Variants in PKD1L1 observed in about 807,000 individuals in gnomAD.
PKD1L1 encodes the protein polycystin 1 like 1, transient receptor potential channel interacting, also known as polycystin-1-like protein 1.
PKD1L1 carries 236 observed loss-of-function variants against 323.4 expected under a neutral mutation model. The observed-to-expected ratio is 0.73, with a 90% confidence interval of 0.66 to 0.81. The LOEUF is 0.81. PKD1L1 is among the 40% of genes least tolerant of loss of function. The probability of loss-of-function intolerance (pLI) is 0.00; values close to 1 mark genes in which losing one functional copy is unlikely to be tolerated. For synonymous variants in PKD1L1, 1,344 were observed against 1,335.0 expected (o/e 1.01, Z -0.15); for missense variants, 3,320 against 3,508.0 (o/e 0.95, Z 1.35).
At chr7:47,812,981 G>C in intron 49 of PKD1L1, 140 bp downstream of exon 49, 1 of 964,008 alleles carries the variant, frequency 1.0e-6, no homozygotes, top group Non-Finnish European at 1.5e-6. Context: ...AGTCTGGCTG[G>C]AGCCCCTGGC....
At position 47,813,868 on chromosome 7, in the gene PKD1L1, A is replaced by G. The variant is rs112886218; in HGVS notation, c.7173+63T>C. 435 of 1,399,272 alleles carry G rather than the reference A, an allele frequency of 3.1e-4. 1 individual carries two copies. Among genetic ancestry groups the G allele is most frequent in the African/African-American group, 2.6e-3 (181 of 70,668 alleles). 86.7% of individuals were successfully genotyped at this position (1,399,272 alleles called of 1,614,324 possible). On this transcript the variant is annotated intron_variant, in intron 48 of 56. Coordinates refer to ENST00000289672, the MANE Select transcript of PKD1L1 (RefSeq NM_138295.5). The stretch of plus-strand genomic sequence containing the variant: ...AATGATCTGCCAGGGTCCTGCCCCA[A>G]TGTTGCCTAGACTTCTCTAATTCCA...
At chr7:47,822,544 G>A (rs1028031062) in intron 45 of PKD1L1, among the ~76,000 whole-genome samples, 50 of 129,016 alleles carry the variant, frequency 3.9e-4, no homozygotes, top group African/African-American at 1.3e-3. Context: ...GCAGTGAGCC[G>A]AGATCGCGCC....
Position 47,854,946 on chromosome 7 carries a change from G to C in PKD1L1, c.4795C>G (p.Leu1599Val), listed in dbSNP as rs1245542767. ...TTGGAAAATTCAATTTCTATCTGTA[G>C]AGATTCCTGGGGGTTTTCGGAAAGC... is the stretch of plus-strand genomic sequence containing the variant. Reference protein sequence around the residue: ...TELSENPQESLQIEIEFSKPV... With the variant: ...TELSENPQESVQIEIEFSKPV... The change falls in exon 30 of 57, where the codon CTA becomes GTA. Residue 1599 changes from leucine (L) to valine (V), a missense_variant. Physicochemically the swap from Leu to Val is conservative, Grantham distance 32. Coordinates refer to ENST00000289672, the MANE Select transcript of PKD1L1 (RefSeq NM_138295.5). 1.2e-6 allele frequency: 2 copies of C among 1,614,102 alleles called. No homozygotes were observed. Among genetic ancestry groups the C allele is most frequent in the Admixed American group, 3.3e-5 (2 of 60,018 alleles).
chr7:47,811,470 T>C (rs1424528630), intron 50 of PKD1L1, among the ~76,000 whole-genome samples: 1 of 152,144 alleles, frequency 6.6e-6, no homozygotes, highest in Non-Finnish European at 1.5e-5. Context: ...TGTCTCTTTT[T>C]AAAGCACCCA....
At chr7:47,837,360 T>C (rs1785481362) in intron 36 of PKD1L1, among the ~76,000 whole-genome samples, 1 of 152,180 alleles carries the variant, frequency 6.6e-6, no homozygotes, top group Admixed American at 6.5e-5. Context: ...CTAAGCCTCT[T>C]GAAGCTGCTC....
chr7:47,911,833 G>A (rs7802908), intron 8 of PKD1L1, among the ~76,000 whole-genome samples: 107,978 of 151,448 alleles, frequency 0.71, 39,481 homozygotes, highest in African/African-American at 0.89. Context: ...TCATCAACAC[G>A]CATACATGTG....
intron 55 of PKD1L1, among the ~76,000 whole-genome samples, chr7:47,793,326 T>C (rs1786996882): frequency 6.6e-6 from 1 of 152,154 alleles, no homozygotes; most frequent in Non-Finnish European, 1.5e-5. Flanking sequence ...ACTTGAATTG[T>C]ATCTCCCAGA....
At chr7:47,937,734 G>C (rs920754069) in intron 3 of PKD1L1, among the ~76,000 whole-genome samples, 1 of 152,132 alleles carries the variant, frequency 6.6e-6, no homozygotes, top group African/African-American at 2.4e-5. Context: ...GAAGTGAGAT[G>C]GAGCCCAAGA....
Position 47,882,006 on chromosome 7 carries a change from GTCCACCAGGTTA to G in PKD1L1, c.3333_3344del (p.Asn1112_Asp1115del). The G allele has an allele frequency of 6.2e-7, 1 of 1,614,040 alleles. No individual in the cohort carries two copies. The highest frequency in any genetic ancestry group is 8.5e-7 in the Non-Finnish European group (1 of 1,180,000). On this transcript the variant is annotated inframe_deletion, in exon 20 of 57. Transcript: ENST00000289672. The stretch of plus-strand genomic sequence containing the variant: ...CGGCTCTGCCTGCAGACAGGGAGGG[GTCCACCAGGTTA>G]TCCCCATCTCCAGGGCTCTCCTCGG...
the PKD1L1 span, among the ~76,000 whole-genome samples, chr7:47,960,704 AAAC>A: frequency 1.3e-5 from 2 of 151,788 alleles, no homozygotes; most frequent in Non-Finnish European, 2.9e-5. Flanking sequence ...AAAAAAAAAA[AAAC>A]ATGGTCAAAA....
chr7:47,853,183 A>T lies in PKD1L1; in HGVS notation c.4904T>A (p.Ile1635Asn). 1.2e-6 allele frequency: 2 copies of T among 1,613,828 alleles called. No individual in the cohort carries two copies. The highest frequency in any genetic ancestry group is 1.7e-6 in the Non-Finnish European group (2 of 1,179,738). ...PTPSDFLVKQ[I>N]YFWDESIVQI... is the part of the protein sequence containing the mutation. Reference sequence around the variant, plus strand: ...CACAATTGACTCATCCCAGAAGTAGATCTGCTTCACAAGAAAATCAGAGGG... The same window carrying T: ...CACAATTGACTCATCCCAGAAGTAGTTCTGCTTCACAAGAAAATCAGAGGG... Residue 1635 changes from isoleucine (I) to asparagine (N), a missense_variant, in exon 31 of 57, where the codon ATC becomes AAC. Physicochemically the swap from Ile to Asn is moderately radical, Grantham distance 149. Transcript: ENST00000289672.
chr7:47,956,522 A>G, the PKD1L1 span, among the ~76,000 whole-genome samples: 1 of 152,216 alleles, frequency 6.6e-6, no homozygotes, highest in Admixed American at 6.5e-5. Flanking sequence ...GGGCTTAAAG[A>G]CCAAAAAAGA....
chr7:47,789,804 T>A (rs1786897452), intron 56 of PKD1L1, among the ~76,000 whole-genome samples: 1 of 152,248 alleles, frequency 6.6e-6, no homozygotes, highest in Admixed American at 6.5e-5. Flanking sequence ...TCTAAAATTT[T>A]CAATTAAATT....
At chr7:47,831,177 T>C (rs762543248) in intron 42 of PKD1L1, 40 bp downstream of exon 42, 26 of 1,586,312 alleles carry the variant, frequency 1.6e-5, no homozygotes, top group East Asian at 2.2e-5. Context: ...AGACTTTCCA[T>C]CTGAGGACCT....
At position 47,837,161 on chromosome 7, in the gene PKD1L1, T is replaced by C. The variant is rs1583609140; in HGVS notation, c.5770-67A>G. 3 of 1,547,230 alleles carry C rather than the reference T, an allele frequency of 1.9e-6. No individual in the cohort carries two copies. The Admixed American group carries it at 5.2e-5, about 27-fold the overall frequency. On this transcript the variant is annotated intron_variant, in intron 36 of 56. Transcript: ENST00000289672. ...TTTCTGTCAGCAAAGCAAAGTACTGTTAAGCAGTGATCTTCTGAGCAGAGA... is the reference window on the plus strand; with the variant it reads ...TTTCTGTCAGCAAAGCAAAGTACTGCTAAGCAGTGATCTTCTGAGCAGAGA...
chr7:47,777,043 C>A (rs1786583901), intron 56 of PKD1L1, among the ~76,000 whole-genome samples: 1 of 152,140 alleles, frequency 6.6e-6, no homozygotes, highest in Non-Finnish European at 1.5e-5. Context: ...AAGCATGCGC[C>A]ACCACATTCA....
chr7:47,930,537 G>T (rs1005935902), intron 6 of PKD1L1, among the ~76,000 whole-genome samples: 48 of 99,444 alleles, frequency 4.8e-4, no homozygotes, highest in African/African-American at 2.1e-3. Flanking sequence ...CACACAGTCG[G>T]CCGGGTGCAG....
intron 32 of PKD1L1, 31 bp downstream of exon 32, chr7:47,846,848 A>C: frequency 6.4e-7 from 1 of 1,572,590 alleles, no homozygotes; most frequent in Non-Finnish European, 8.6e-7. Flanking sequence ...TTTACTAAAA[A>C]TCTCAGATTC....
At chr7:47,853,435 T>C (rs972289249) in intron 30 of PKD1L1, among the ~76,000 whole-genome samples, 8 of 152,188 alleles carry the variant, frequency 5.3e-5, no homozygotes, top group South Asian at 4.2e-4. Flanking sequence ...ACTTTCACCC[T>C]GCATCTCATT....
Sources: allele counts gnomAD v4.1 joint callset (sites outside exome capture counted in the v4.1 genomes callset), GRCh38; gene constraint gnomAD v4.1.1; transcripts MANE v1.5; gene names NCBI Gene and HGNC (gene_info 2026-07-23, HGNC 2026-07-21).